Variants in KIDINS220 observed in about 807,000 individuals in gnomAD.
The protein encoded by KIDINS220 is kinase D interacting substrate 220.
KIDINS220 carries 63 observed loss-of-function variants against 157.6 expected under a neutral mutation model. That is an observed-to-expected ratio of 0.40 (90% confidence interval 0.33 to 0.49). KIDINS220 has a LOEUF of 0.49. Among genes scored for constraint, KIDINS220 ranks in the 20% least tolerant of loss-of-function variants. KIDINS220 has a pLI of 0.66. For missense variants in KIDINS220, 1,772 were observed against 2,171.2 expected (o/e 0.82, Z 3.65); for synonymous variants, 732 against 783.6 (o/e 0.93, Z 1.10).
rs548031772 is a variant in KIDINS220 at position 8,812,230 on chromosome 2, C to A, written c.504+165G>T. Among the ~76,000 whole-genome samples the A allele has an allele frequency of 2.6e-5, 4 of 152,168 alleles. No individual in the cohort carries two copies. In the East Asian group the frequency reaches 7.7e-4, roughly 29 times the overall value. On this transcript the variant is annotated intron_variant, in intron 6 of 29. Coordinates refer to ENST00000256707, the MANE Select transcript of KIDINS220 (RefSeq NM_020738.4). ...AGAAGGATACTTACTACATAATACACCCAGGGAATCCATCTATGAGATATA... is the reference window on the plus strand; with the variant it reads ...AGAAGGATACTTACTACATAATACAACCAGGGAATCCATCTATGAGATATA...
At chr2:8,793,751 T>C (rs1673520313) in intron 12 of KIDINS220, 59 bp downstream of exon 12, 24 of 1,455,042 alleles carry the variant, frequency 1.6e-5, no homozygotes, top group Non-Finnish European at 2.2e-5. Context: ...ATTTTCCATA[T>C]TCTTTAATGG....
At chr2:8,770,956 T>A (rs1337628819) in intron 21 of KIDINS220, 124 bp from the exon 22 acceptor site, 2 of 558,062 alleles carry the variant, frequency 3.6e-6, no homozygotes, top group Non-Finnish European at 5.7e-6. Flanking sequence ...ATACTACAAA[T>A]TCAAATCTAG....
chr2:8,772,812 T>C lies in KIDINS220; in HGVS notation c.2849-1980A>G, dbSNP rs538091902. Among the ~76,000 whole-genome samples, 23 of 110,980 alleles carry C rather than the reference T, an allele frequency of 2.1e-4. No individual in the cohort carries two copies. The South Asian group carries it at 8.5e-3, about 41-fold the overall frequency. The allele number at this position is 110,980 out of a possible 152,430, so 72.8% of individuals were successfully genotyped here. The stretch of plus-strand genomic sequence containing the variant: ...TTCTTTTCTGATATTAATCTCTCTA[T>C]TGAATGACTTTCCTAATAGCAACTA... On this transcript the variant is annotated intron_variant, in intron 21 of 29. Transcript: ENST00000256707.
Position 8,785,841 on chromosome 2 carries a change from G to A in KIDINS220, c.2129C>T (p.Thr710Ile), listed in dbSNP as rs751108799. 5 of 1,614,122 alleles carry A rather than the reference G, an allele frequency of 3.1e-6. No homozygotes were observed. In the South Asian group the frequency reaches 5.5e-5, roughly 18 times the overall value. ...GAGCGAGTCCAGCACTTGCCACCAT[G>A]TACGACAGTTCAACACAAAGGCCAA... ...VGLAFVLNCR[T>I]WWQVLDSLLN... The change falls in exon 17 of 30, where the codon ACA becomes ATA. Residue 710 changes from threonine (T) to isoleucine (I), a missense_variant. By Grantham distance (89) the Thr-to-Ile change is moderately conservative. This residue lies in a region of KIDINS220 where 725 missense variants were observed against 1,017.1 expected (regional missense o/e 0.71). Transcript: ENST00000256707.
At position 8,784,331 on chromosome 2, in the gene KIDINS220, G is replaced by A. The variant is rs79452823; in HGVS notation, c.2229+1410C>T. Among the ~76,000 whole-genome samples the A allele has an allele frequency of 1.2e-4, 18 of 152,176 alleles. No individual in the cohort carries two copies. The East Asian group carries it at 3.1e-3, about 26-fold the overall frequency. ...TATAAAACACCTAGAAAATGACAGAGGATAAAATCTAGGTGACCGTAGGTT... is the reference window on the plus strand; with the variant it reads ...TATAAAACACCTAGAAAATGACAGAAGATAAAATCTAGGTGACCGTAGGTT... On this transcript the variant is annotated intron_variant, in intron 17 of 29. Coordinates refer to ENST00000256707, the MANE Select transcript of KIDINS220 (RefSeq NM_020738.4).
In KIDINS220 at chr2:8,757,838, G is replaced by A. The variant is rs563938998; in HGVS notation, c.3012-6194C>T. 5 of 1,420,404 alleles carry A rather than the reference G, an allele frequency of 3.5e-6. No homozygotes were observed. The African/African-American group carries it at 7.0e-5, about 20-fold the overall frequency. 88.0% of individuals were successfully genotyped at this position (1,420,404 alleles called of 1,614,324 possible). On this transcript the variant is annotated intron_variant, in intron 22 of 29. Coordinates refer to ENST00000256707, the MANE Select transcript of KIDINS220 (RefSeq NM_020738.4). ...GTATGGCTCTGTCCTCCTAAATCCT[G>A]GACTTGGAATTCTGTATGTTTTCTT...
chr2:8,830,015 T>G (rs1339986878), intron 1 of KIDINS220, among the ~76,000 whole-genome samples: 1 of 152,000 alleles, frequency 6.6e-6, no homozygotes, highest in Non-Finnish European at 1.5e-5. Flanking sequence ...CTATGCTCAA[T>G]GTGCTCCTTC....
intron 22 of KIDINS220, among the ~76,000 whole-genome samples, chr2:8,754,403 G>T (rs1050050733): frequency 3.9e-5 from 6 of 152,150 alleles, no homozygotes; most frequent in African/African-American, 4.8e-5. Flanking sequence ...TTATTTTTCA[G>T]ATATTTTTCC....
At chr2:8,800,881 GA>G (rs1674598429) in intron 8 of KIDINS220, among the ~76,000 whole-genome samples, 1 of 152,066 alleles carries the variant, frequency 6.6e-6, no homozygotes, top group African/African-American at 2.4e-5. Flanking sequence ...AAATATCTTG[GA>G]ATAATGCTAT....
chr2:8,726,166 T>C (rs1464804142), downstream of KIDINS220, among the ~76,000 whole-genome samples: 1 of 152,236 alleles, frequency 6.6e-6, no homozygotes, highest in Non-Finnish European at 1.5e-5. Flanking sequence ...ACTTCTTGAC[T>C]GACCCTTTTA....
chr2:8,774,295 CAA>C (rs547340055), intron 21 of KIDINS220, among the ~76,000 whole-genome samples: 11 of 56,716 alleles, frequency 1.9e-4, no homozygotes, highest in Non-Finnish European at 2.9e-4. Flanking sequence ...GACTCTGTCT[CAA>C]AAAAAAAAAA....
intron 22 of KIDINS220, among the ~76,000 whole-genome samples, chr2:8,752,030 GT>G (rs1466663376): frequency 6.6e-6 from 1 of 151,614 alleles, no homozygotes; most frequent in Admixed American, 6.6e-5. Flanking sequence ...AATTTTTAGG[GT>G]TTTTTTTGAG....
chr2:8,800,887 T>C (rs1674599148), intron 8 of KIDINS220, among the ~76,000 whole-genome samples: 1 of 152,192 alleles, frequency 6.6e-6, no homozygotes, highest in African/African-American at 2.4e-5. Flanking sequence ...CTTGGAATAA[T>C]GCTATATGAC....
chr2:8,738,834 C>T (rs1004716275), intron 26 of KIDINS220, among the ~76,000 whole-genome samples: 2 of 152,032 alleles, frequency 1.3e-5, no homozygotes, highest in African/African-American at 4.8e-5. Context: ...TAGTATTATG[C>T]CAATTTTAAT....
intron 24 of KIDINS220, among the ~76,000 whole-genome samples, chr2:8,749,653 A>C (rs1472208843): frequency 2.0e-5 from 3 of 152,208 alleles, no homozygotes; most frequent in Non-Finnish European, 4.4e-5. Context: ...GTTCCACAGC[A>C]GTACTTTCCC....
intron 22 of KIDINS220, among the ~76,000 whole-genome samples, chr2:8,755,516 C>T (rs1316294332): frequency 1.3e-5 from 2 of 152,216 alleles, no homozygotes; most frequent in Non-Finnish European, 1.5e-5. Flanking sequence ...GAATAAACTA[C>T]ACATGCACAC....
chr2:8,761,541 A>G (rs1668746931), intron 22 of KIDINS220, among the ~76,000 whole-genome samples: 1 of 152,184 alleles, frequency 6.6e-6, no homozygotes, highest in East Asian at 1.9e-4. Flanking sequence ...CTTAAAAACT[A>G]TGTCATATGA....
Position 8,788,750 on chromosome 2 carries a change from T to C in KIDINS220, c.1684A>G (p.Thr562Ala). Residue 562 changes from threonine to alanine, a missense_variant, in exon 15 of 30, where the codon ACT (threonine) becomes GCT (alanine). This residue lies in a region of KIDINS220 where 725 missense variants were observed against 1,017.1 expected (regional missense o/e 0.71). Coordinates refer to ENST00000256707, the MANE Select transcript of KIDINS220 (RefSeq NM_020738.4). ...ESWNWAWVLSTRLARHIGYLE... is the reference protein window; with the variant it reads ...ESWNWAWVLSARLARHIGYLE... ...TATCCAATATGTCTTGCCAATCTAG[T>C]GCTGAGGACCCAGGCCCAATTCCAA... The C allele has an allele frequency of 1.2e-6, 2 of 1,614,134 alleles. No individual in the cohort carries two copies. Among genetic ancestry groups the C allele is most frequent in the Non-Finnish European group, 1.7e-6 (2 of 1,179,988 alleles).
At position 8,731,759 on chromosome 2, in the gene KIDINS220, G is replaced by A. The variant is rs1433947781; in HGVS notation, c.4277C>T (p.Ser1426Phe). Residue 1426 changes from serine (S) to phenylalanine (F), a missense_variant, in exon 30 of 30, where the codon TCT (serine) becomes TTT (phenylalanine). Around this residue, in one of 3 missense-constraint regions of KIDINS220, gnomAD observed 793 missense variants for 885.5 expected, o/e 0.90. Coordinates refer to ENST00000256707, the MANE Select transcript of KIDINS220 (RefSeq NM_020738.4). This position sits in a 1 kb window ranked among gnomAD's most constrained non-coding sequence, Gnocchi z 5.2. ...YYMGQSSSGGSIHSNLEQEKG... is the reference protein window; with the variant it reads ...YYMGQSSSGGFIHSNLEQEKG... ...TTCTTGCTCTAGGTTTGAATGAATAGAGCCCCCTGATGAACTCTGACCCAT... is the reference window on the plus strand; with the variant it reads ...TTCTTGCTCTAGGTTTGAATGAATAAAGCCCCCTGATGAACTCTGACCCAT... 1 of 1,613,958 alleles carries A rather than the reference G, an allele frequency of 6.2e-7. No individual in the cohort carries two copies. The highest frequency in any genetic ancestry group is 1.3e-5 in the African/African-American group (1 of 74,908).
Sources: allele counts gnomAD v4.1 joint callset (sites outside exome capture counted in the v4.1 genomes callset), GRCh38; gene constraint gnomAD v4.1.1; regional missense constraint gnomAD v4.1.1; non-coding constraint Gnocchi (gnomAD v3.1); transcripts MANE v1.5; gene names NCBI Gene and HGNC (gene_info 2026-07-23, HGNC 2026-07-21).